Variants in CCNT2 observed in about 807,000 individuals in gnomAD.
The protein encoded by CCNT2 is cyclin T2.
CCNT2 carries 18 observed loss-of-function variants against 70.0 expected under a neutral mutation model. The ratio of observed to expected loss-of-function variants is 0.26; its 90% CI spans 0.18 to 0.38. The LOEUF (loss-of-function observed/expected upper bound fraction) is 0.38, where lower values mean the gene tolerates loss of function less well. Among genes scored for constraint, CCNT2 ranks in the 10% least tolerant of loss-of-function variants. The pLI, the probability that CCNT2 is intolerant of heterozygous loss-of-function variation, is 1.00. For synonymous variants in CCNT2, 334 were observed against 313.3 expected, an observed-to-expected ratio of 1.07 and a Z score of -0.70; for missense variants, 734 against 890.2, an observed-to-expected ratio of 0.82 and a Z score of 2.23.
chr2:134,918,836 G>T lies in CCNT2; in HGVS notation c.-19G>T. On this transcript the variant is annotated 5_prime_UTR_variant, in exon 1 of 9. Coordinates refer to ENST00000264157, the MANE Select transcript of CCNT2 (RefSeq NM_058241.3). The stretch of plus-strand genomic sequence containing the variant: ...AGGGGCGGGGGGTGAATGAAGGAGC[G>T]GGCGGAGGAGGAAGTGTCATGGCGT... The T allele has an allele frequency of 1.2e-6, 2 of 1,606,224 alleles. No individual in the cohort carries two copies. Among genetic ancestry groups the T allele is most frequent in the Non-Finnish European group, 1.7e-6 (2 of 1,174,932 alleles).
In CCNT2 at chr2:134,953,649, C is replaced by T. The variant is rs1315243987; in HGVS notation, c.1194C>T (p.Asp398=). ...SLHSGLHHRP[D]KISDHSSVKQ... ...ATTCAGGATTACATCACAGACCTGA[C>T]AAAATTTCAGATCATTCTTCTGTTA... Residue 398 remains aspartate (D), a synonymous_variant, in exon 9 of 9, where the codon GAC becomes GAT. Transcript: ENST00000264157. The T allele has an allele frequency of 6.2e-7, 1 of 1,614,050 alleles. No individual in the cohort carries two copies. Among genetic ancestry groups the T allele is most frequent in the Non-Finnish European group, 8.5e-7 (1 of 1,179,980 alleles).
intron 2 of CCNT2, among the ~76,000 whole-genome samples, chr2:134,929,298 A>G (rs1680543910): frequency 6.6e-6 from 1 of 152,070 alleles, no homozygotes; most frequent in African/African-American, 2.4e-5. Context: ...TTGTTAGTGC[A>G]TGCACACTAC....
intron 2 of CCNT2, among the ~76,000 whole-genome samples, chr2:134,934,849 A>G (rs901921668): frequency 1.3e-5 from 2 of 152,198 alleles, no homozygotes; most frequent in Admixed American, 6.5e-5. Context: ...CTGAGCCTCT[A>G]TTGCTTCACT....
At chr2:134,947,619 A>G (rs1323232470) in intron 6 of CCNT2, 117 bp from the exon 7 acceptor site, 8 of 614,848 alleles carry the variant, frequency 1.3e-5, no homozygotes, top group African/African-American at 5.7e-5. Flanking sequence ...AAGGTTTTAT[A>G]CTCTAGACTT....
chr2:134,940,936 T>C (rs1681536728), intron 4 of CCNT2, among the ~76,000 whole-genome samples: 1 of 152,124 alleles, frequency 6.6e-6, no homozygotes, highest in African/African-American at 2.4e-5. Flanking sequence ...CAGTGTAAGG[T>C]TCAGTGTGAA....
In CCNT2 at chr2:134,953,413, A is replaced by G. The variant is rs79101220; in HGVS notation, c.958A>G (p.Ile320Val). ...PAPVPLNSGNISVQDSHTSDN... is the reference protein window; with the variant it reads ...PAPVPLNSGNVSVQDSHTSDN... ...GCCAGTACCTCTAAATTCAGGAAAT[A>G]TTTCTGTTCAAGACAGCCATACATC... Residue 320 changes from isoleucine to valine, a missense_variant, in exon 9 of 9, where the codon ATT becomes GTT. Physicochemically the swap from Ile to Val is conservative, Grantham distance 29. Coordinates refer to ENST00000264157, the MANE Select transcript of CCNT2 (RefSeq NM_058241.3). 1.6e-5 allele frequency: 25 copies of G among 1,607,304 alleles called. No homozygotes were observed. In the East Asian group the frequency reaches 5.0e-4, roughly 32 times the overall value.
chr2:134,929,275 C>T (rs1035686694), intron 2 of CCNT2, among the ~76,000 whole-genome samples: 2 of 151,904 alleles, frequency 1.3e-5, no homozygotes, highest in Admixed American at 1.3e-4. Context: ...TTTCGGTTTC[C>T]TTGAAATTTC....
chr2:134,952,714 AAG>A lies in CCNT2; in HGVS notation c.774+7_774+8del. The A allele has an allele frequency of 6.2e-7, 1 of 1,600,228 alleles. No homozygotes were observed. ...TGAAGAAGATTCGAAACTGGAGGGT[AAG>A]AGAATTGACAGGGTTTAACAGAATT... On this transcript the variant is annotated splice_donor_5th_base_variant and intron_variant, in intron 8 of 8. Coordinates refer to ENST00000264157, the MANE Select transcript of CCNT2 (RefSeq NM_058241.3).
chr2:134,940,339 G>A (rs946357081), intron 4 of CCNT2, among the ~76,000 whole-genome samples: 1 of 139,818 alleles, frequency 7.2e-6, no homozygotes, highest in Non-Finnish European at 1.5e-5. Context: ...TAGGTGAGCT[G>A]TAGCCTAGAA....
At chr2:134,936,992 A>AT (rs1477963900) in intron 3 of CCNT2, 23 bp downstream of exon 3, 4 of 1,563,918 alleles carry the variant, frequency 2.6e-6, no homozygotes, top group Non-Finnish European at 3.5e-6. Context: ...TGGGTTTTTT[A>AT]TTTTTCTTTG....
intron 2 of CCNT2, among the ~76,000 whole-genome samples, chr2:134,923,056 G>T (rs993494604): frequency 6.6e-6 from 1 of 152,078 alleles, no homozygotes; most frequent in African/African-American, 2.4e-5. Context: ...TGAAGTGGGC[G>T]GATCCCTTGA....
At position 134,939,074 on chromosome 2, in the gene CCNT2, C is replaced by T. The variant is rs767281473; in HGVS notation, c.430+12C>T. The T allele has an allele frequency of 3.8e-5, 59 of 1,572,436 alleles. No individual in the cohort carries two copies. The highest frequency in any genetic ancestry group is 4.8e-5 in the Non-Finnish European group (55 of 1,143,760). On this transcript the variant is annotated intron_variant, in intron 4 of 8. Transcript: ENST00000264157. ...GCTACAAACTCTAGGTACGTACTTA[C>T]ATCAGATAATGGCTTTTTGTGTGTA... is the stretch of plus-strand genomic sequence containing the variant.
At chr2:134,945,800 T>G in intron 5 of CCNT2, 1 of 1,394,164 alleles carries the variant, frequency 7.2e-7, no homozygotes, top group African/African-American at 1.4e-5. Context: ...AATGCTTTAT[T>G]GCAACTTTTA....
rs1309494665 is a variant in CCNT2 at position 134,954,490 on chromosome 2, G to A, written c.2035G>A (p.Gly679Arg). The A allele has an allele frequency of 2.5e-6, 4 of 1,614,082 alleles. No homozygotes were observed. The South Asian group carries it at 3.3e-5, about 13-fold the overall frequency. Residue 679 changes from glycine to arginine, a missense_variant, in exon 9 of 9, where the codon GGA becomes AGA. Gly to Arg is a moderately radical substitution (Grantham distance 125). Coordinates refer to ENST00000264157, the MANE Select transcript of CCNT2 (RefSeq NM_058241.3). Reference protein sequence around the residue: ...PPPVTYQVGYGHLSTLVKLDK... With the variant: ...PPPVTYQVGYRHLSTLVKLDK... Reference sequence around the variant, plus strand: ...CCCTGTCACATACCAGGTGGGCTACGGACATCTCAGCACCCTCGTGAAACT... The same window carrying A: ...CCCTGTCACATACCAGGTGGGCTACAGACATCTCAGCACCCTCGTGAAACT...
In CCNT2 at chr2:134,953,663, A is replaced by G. The variant is rs762530112; in HGVS notation, c.1208A>G (p.His403Arg). Residue 403 changes from histidine to arginine, a missense_variant, in exon 9 of 9, where the codon CAT becomes CGT. Coordinates refer to ENST00000264157, the MANE Select transcript of CCNT2 (RefSeq NM_058241.3). ...CACAGACCTGACAAAATTTCAGATC[A>G]TTCTTCTGTTAAGCAAGAATATACT... Reference protein sequence around the residue: ...LHHRPDKISDHSSVKQEYTHK... With the variant: ...LHHRPDKISDRSSVKQEYTHK... 1.2e-6 allele frequency: 2 copies of G among 1,614,192 alleles called. No homozygotes were observed. The highest frequency in any genetic ancestry group is 1.1e-5 in the South Asian group (1 of 91,084).
chr2:134,924,213 T>A (rs1335636708), intron 2 of CCNT2, among the ~76,000 whole-genome samples: 4 of 152,244 alleles, frequency 2.6e-5, no homozygotes, highest in African/African-American at 9.6e-5. Context: ...TCACATCCAG[T>A]TGTATTCCAT....
chr2:134,936,731 G>A, intron 2 of CCNT2, 110 bp from the exon 3 acceptor site: 3 of 868,470 alleles, frequency 3.5e-6, no homozygotes, highest in Non-Finnish European at 5.1e-6. Context: ...TCCAGCCTGG[G>A]CAACAGGAGC....
chr2:134,940,451 A>C (rs1681494810), intron 4 of CCNT2, among the ~76,000 whole-genome samples: 1 of 152,210 alleles, frequency 6.6e-6, no homozygotes, highest in Non-Finnish European at 1.5e-5. Flanking sequence ...CTATTTTTAA[A>C]AGATAAAAAT....
chr2:134,942,738 G>A, intron 5 of CCNT2, 64 bp downstream of exon 5: 1 of 1,452,502 alleles, frequency 6.9e-7, no homozygotes. Flanking sequence ...AATTGATTTG[G>A]GTGCTATTTT....
Sources: gnomAD v4.1 joint callset for allele counts (sites outside exome capture counted in the v4.1 genomes callset) on GRCh38, gnomAD v4.1.1 for gene constraint, MANE v1.5 for transcripts, NCBI Gene and HGNC (gene_info 2026-07-23, HGNC 2026-07-21) for gene names.